The following TRPC4 variants were observed in gnomAD, a reference collection of about 807,000 sequenced individuals.
TRPC4 encodes the protein short transient receptor potential channel 4.
Under a neutral mutation model 99.4 loss-of-function variants are expected in TRPC4, and 49 were observed. The ratio of observed to expected loss-of-function variants is 0.49; its 90% CI spans 0.39 to 0.63. The LOEUF is 0.63. Ranked by LOEUF, TRPC4 falls within the 20% of genes least tolerant of loss-of-function variation. The pLI, the probability that TRPC4 is intolerant of heterozygous loss-of-function variation, is 0.00. For missense variants in TRPC4, 898 were observed against 1,152.9 expected, an observed-to-expected ratio of 0.78 and a Z score of 3.20; for synonymous variants, 454 against 425.9, an observed-to-expected ratio of 1.07 and a Z score of -0.81.
At chr13:37,839,496 C>T (rs569946040) in intron 1 of TRPC4, among the ~76,000 whole-genome samples, 13 of 152,240 alleles carry the variant, frequency 8.5e-5, no homozygotes, top group African/African-American at 3.1e-4. Context: ...TTGGAAACCA[C>T]CTGAGAGCTT....
intron 3 of TRPC4, among the ~76,000 whole-genome samples, chr13:37,734,690 A>C (rs1024839273): frequency 3.3e-5 from 5 of 152,178 alleles, no homozygotes; most frequent in African/African-American, 1.2e-4. Flanking sequence ...TAAAAAGAGG[A>C]GAATCAAGAA....
intron 1 of TRPC4, among the ~76,000 whole-genome samples, chr13:37,795,722 A>G (rs573459600): frequency 3.3e-5 from 5 of 152,246 alleles, no homozygotes; most frequent in African/African-American, 9.6e-5. Flanking sequence ...ACCATTACAC[A>G]ACAACTTTGC....
chr13:37,731,460 A>G (rs751494243), intron 3 of TRPC4, among the ~76,000 whole-genome samples: 31 of 152,084 alleles, frequency 2.0e-4, no homozygotes, highest in Non-Finnish European at 4.1e-4. Context: ...ACAATAGTCA[A>G]TGAAGAAATG....
At chr13:37,833,841 A>T (rs2139604275) in intron 1 of TRPC4, among the ~76,000 whole-genome samples, 1 of 152,320 alleles carries the variant, frequency 6.6e-6, no homozygotes, top group African/African-American at 2.4e-5. Context: ...TTTTAACAAA[A>T]AAATGGAGGA....
intron 3 of TRPC4, among the ~76,000 whole-genome samples, chr13:37,741,731 T>C (rs758014892): frequency 1.3e-5 from 2 of 152,112 alleles, no homozygotes; most frequent in Non-Finnish European, 2.9e-5. Flanking sequence ...AATAAATTCA[T>C]GTGCTCAACA....
intron 1 of TRPC4, among the ~76,000 whole-genome samples, chr13:37,837,880 G>A (rs1160324067): frequency 6.6e-6 from 1 of 152,128 alleles, no homozygotes; most frequent in African/African-American, 2.4e-5. Context: ...TTGTGGGAGG[G>A]ACCCAGTGGG....
chr13:37,749,227 A>T (rs1408596624), intron 2 of TRPC4, among the ~76,000 whole-genome samples: 1 of 152,110 alleles, frequency 6.6e-6, no homozygotes, highest in African/African-American at 2.4e-5. Context: ...ACTGTGAGTC[A>T]ATTAAGCCTC....
At chr13:37,865,820 A>G (rs769890994) in intron 1 of TRPC4, among the ~76,000 whole-genome samples, 10 of 151,708 alleles carry the variant, frequency 6.6e-5, no homozygotes, top group Non-Finnish European at 1.0e-4. Flanking sequence ...CCACAAAGCA[A>G]TTTTGTGATT....
rs895968834 is a variant in TRPC4, at chr13:37,632,442, A to G, written c.*4461T>C. Among the ~76,000 whole-genome samples the G allele has an allele frequency of 3.3e-5, 5 of 152,244 alleles. No individual in the cohort carries two copies. Among genetic ancestry groups the G allele is most frequent in the East Asian group, 1.9e-4 (1 of 5,200 alleles). Reference sequence around the variant, plus strand: ...GGTGTGTGTTTCACACTTACAGCACATCTTAATTCAGACTTGTCACACTTA... The same window carrying G: ...GGTGTGTGTTTCACACTTACAGCACGTCTTAATTCAGACTTGTCACACTTA... On this transcript the variant is annotated 3_prime_UTR_variant, in exon 11 of 11. Coordinates refer to ENST00000379705, the MANE Select transcript of TRPC4 (RefSeq NM_016179.4).
chr13:37,679,212 A>C (rs1274449353), intron 4 of TRPC4, among the ~76,000 whole-genome samples: 3 of 152,046 alleles, frequency 2.0e-5, no homozygotes, highest in Non-Finnish European at 4.4e-5. Context: ...AAACAATCTG[A>C]TATCAGGGCC....
chr13:37,863,342 T>A (rs1292322606), intron 1 of TRPC4, among the ~76,000 whole-genome samples: 1 of 151,624 alleles, frequency 6.6e-6, no homozygotes, highest in Non-Finnish European at 1.5e-5. Flanking sequence ...TATGGGTTAC[T>A]CTATACTATT....
intron 1 of TRPC4, among the ~76,000 whole-genome samples, chr13:37,868,126 A>C (rs900455140): frequency 4.6e-5 from 7 of 152,192 alleles, no homozygotes. Flanking sequence ...TCTGTCATAG[A>C]CTTTTTAATG....
intron 3 of TRPC4, among the ~76,000 whole-genome samples, chr13:37,743,763 C>T (rs989419265): frequency 4.6e-5 from 7 of 152,152 alleles, no homozygotes; most frequent in African/African-American, 1.7e-4. Flanking sequence ...CAATTTCTAT[C>T]TCGAACAACT....
chr13:37,677,977 T>G (rs565704214), intron 4 of TRPC4, among the ~76,000 whole-genome samples: 1 of 152,124 alleles, frequency 6.6e-6, no homozygotes, highest in Non-Finnish European at 1.5e-5. Context: ...TAAATGTACC[T>G]AGAAAATCCC....
chr13:37,636,650 C>A lies in TRPC4; in HGVS notation c.*253G>T. ...GTTTCTGTGGGTTATTGCAACAGTA[C>A]AAGAATACAAGGTGCATTTATTTAT... is the stretch of plus-strand genomic sequence containing the variant. On this transcript the variant is annotated 3_prime_UTR_variant, in exon 11 of 11. Transcript: ENST00000379705. 1 of 349,048 alleles carries A rather than the reference C, an allele frequency of 2.9e-6. No homozygotes were observed. Among genetic ancestry groups the A allele is most frequent in the Non-Finnish European group, 5.1e-6 (1 of 195,760 alleles). 21.6% of individuals were successfully genotyped at this position (349,048 alleles called of 1,614,324 possible).
At chr13:37,673,011 A>G (rs1952908079) in intron 5 of TRPC4, among the ~76,000 whole-genome samples, 1 of 151,934 alleles carries the variant, frequency 6.6e-6, no homozygotes, top group South Asian at 2.1e-4. Context: ...TTTGTTACAT[A>G]GGTATACATG....
intron 7 of TRPC4, among the ~76,000 whole-genome samples, chr13:37,653,781 C>T (rs1261837119): frequency 6.6e-6 from 1 of 152,054 alleles, no homozygotes; most frequent in East Asian, 1.9e-4. Flanking sequence ...TTTAAAAGAT[C>T]CAAATTGCTG....
intron 2 of TRPC4, among the ~76,000 whole-genome samples, chr13:37,779,257 A>G (rs1304254303): frequency 1.3e-5 from 2 of 152,084 alleles, no homozygotes; most frequent in Non-Finnish European, 2.9e-5. Flanking sequence ...TTAAGAAGTC[A>G]TTCTCAGTTA....
chr13:37,753,474 C>A (rs1955992672), intron 2 of TRPC4, among the ~76,000 whole-genome samples: 1 of 151,044 alleles, frequency 6.6e-6, no homozygotes, highest in African/African-American at 2.4e-5. Context: ...ATAGCTATTA[C>A]ATTTTGGATT....
Sources: gnomAD v4.1 joint callset for allele counts (sites outside exome capture counted in the v4.1 genomes callset) on GRCh38, gnomAD v4.1.1 for gene constraint, MANE v1.5 for transcripts, NCBI Gene and HGNC (gene_info 2026-07-23, HGNC 2026-07-21) for gene names.